Variants in C12orf42 observed in about 807,000 individuals in gnomAD.
The protein encoded by C12orf42 is uncharacterized protein C12orf42.
A neutral mutation model predicts 21.6 loss-of-function variants in C12orf42; 25 were observed. The ratio of observed to expected loss-of-function variants is 1.16; its 90% CI spans 0.84 to 1.62. The LOEUF (loss-of-function observed/expected upper bound fraction) is 1.62, where lower values mean the gene tolerates loss of function less well. Among genes scored for constraint, C12orf42 ranks in the 40% most tolerant of loss-of-function variants. C12orf42 has a pLI of 0.00. For missense variants in C12orf42, 483 were observed against 459.3 expected, an observed-to-expected ratio of 1.05 and a Z score of -0.47; for synonymous variants, 174 against 175.0, an observed-to-expected ratio of 0.99 and a Z score of 0.05.
the C12orf42 span, among the ~76,000 whole-genome samples, chr12:103,128,344 A>G: frequency 6.6e-6 from 1 of 152,164 alleles, no homozygotes; most frequent in African/African-American, 2.4e-5. Context: ...CCTGCCCTGC[A>G]CCTGGCTCAG....
At chr12:103,496,327 AGAG>A (rs1284920352), upstream of C12orf42, among the ~76,000 whole-genome samples, 1 of 152,200 alleles carries the variant, frequency 6.6e-6, no homozygotes, top group Admixed American at 6.5e-5. Context: ...CATTTTGAAT[AGAG>A]GAGTAGTGCA....
chr12:103,306,631 C>A (rs549353160), intron 4 of C12orf42, among the ~76,000 whole-genome samples: 73 of 152,234 alleles, frequency 4.8e-4, no homozygotes, highest in African/African-American at 1.7e-3. Flanking sequence ...AGAATCATAT[C>A]TAGCAGATAG....
At chr12:103,457,415 T>C (rs1952377600) in intron 2 of C12orf42, among the ~76,000 whole-genome samples, 1 of 152,166 alleles carries the variant, frequency 6.6e-6, no homozygotes, top group Non-Finnish European at 1.5e-5. Context: ...AGTCTGCCCT[T>C]CCTCTGTGGC....
intron 1 of C12orf42, among the ~76,000 whole-genome samples, chr12:103,483,184 C>A (rs1173198767): frequency 6.6e-6 from 1 of 152,038 alleles, no homozygotes; most frequent in Non-Finnish European, 1.5e-5. Context: ...ATTCCAAGCA[C>A]CAAGAGTGAA....
chr12:103,467,035 G>A (rs528486527), intron 2 of C12orf42, among the ~76,000 whole-genome samples: 2 of 152,312 alleles, frequency 1.3e-5, no homozygotes, highest in South Asian at 2.1e-4. Flanking sequence ...AGACATGTGA[G>A]GGAGCCATGA....
intron 2 of C12orf42, among the ~76,000 whole-genome samples, chr12:103,456,496 C>T (rs1053786903): frequency 6.6e-6 from 1 of 152,190 alleles, no homozygotes; most frequent in Non-Finnish European, 1.5e-5. Flanking sequence ...ACAAAACCTT[C>T]TGTGCCTGCT....
chr12:103,324,956 G>A (rs2040530228), intron 4 of C12orf42, among the ~76,000 whole-genome samples: 2 of 152,156 alleles, frequency 1.3e-5, no homozygotes, highest in African/African-American at 4.8e-5. Flanking sequence ...CCCTGAAGGA[G>A]GTACTGAAGG....
At chr12:103,273,842 C>T (rs1490888683) in intron 5 of C12orf42, 2 of 456,230 alleles carry the variant, frequency 4.4e-6, no homozygotes, top group African/African-American at 2.0e-5. Context: ...CAGTTTCAGA[C>T]TGATGCACTC....
Position 103,306,184 on chromosome 12 carries a change from G to C in C12orf42, c.421C>G (p.Pro141Ala). 6.2e-7 allele frequency: 1 copy of C among 1,613,900 alleles called. No individual in the cohort carries two copies. The highest frequency in any genetic ancestry group is 8.5e-7 in the Non-Finnish European group (1 of 1,179,866). Reference protein sequence around the residue: ...PAPSSETDEAPLIFTARGETE... With the variant: ...PAPSSETDEAALIFTARGETE... ...TCTCCTCTGGCAGTAAAAATCAATGGGGCCTCATCAGTTTCACTGGATGGT... is the reference window on the plus strand; with the variant it reads ...TCTCCTCTGGCAGTAAAAATCAATGCGGCCTCATCAGTTTCACTGGATGGT... Residue 141 changes from proline to alanine, a missense_variant, in exon 5 of 6, where the codon CCA becomes GCA. Pro to Ala is a conservative substitution (Grantham distance 27). Transcript: ENST00000548883.
the C12orf42 span, among the ~76,000 whole-genome samples, chr12:103,115,499 A>G: frequency 1.3e-5 from 2 of 152,244 alleles, no homozygotes; most frequent in African/African-American, 4.8e-5. Context: ...ATTTCTATTT[A>G]GGGCATATGG....
chr12:103,246,754 G>A (rs964862681), intron 10 of C12orf42, among the ~76,000 whole-genome samples: 1 of 151,388 alleles, frequency 6.6e-6, no homozygotes, highest in Non-Finnish European at 1.5e-5. Context: ...CTGGGAAGGA[G>A]AAAGCAGAGA....
At chr12:103,558,621 T>C in the C12orf42 span, 2 of 152,222 alleles carry the variant, frequency 1.3e-5, no homozygotes, top group South Asian at 2.1e-4. Context: ...ATTTCCTTCA[T>C]AGAATCTACA....
the C12orf42 span, among the ~76,000 whole-genome samples, chr12:103,121,377 T>TC: frequency 2.6e-5 from 4 of 152,208 alleles, no homozygotes; most frequent in Admixed American, 2.6e-4. Context: ...TAGAAGCCTT[T>TC]CCTTGGGGCT....
the C12orf42 span, chr12:103,559,895 C>G: frequency 2.0e-5 from 3 of 152,084 alleles, no homozygotes. Context: ...GATTATTATT[C>G]CCATGATCAT....
At chr12:103,113,332 CA>C in the C12orf42 span, among the ~76,000 whole-genome samples, 2 of 152,104 alleles carry the variant, frequency 1.3e-5, no homozygotes, top group African/African-American at 4.8e-5. Flanking sequence ...CAAAGGGAAA[CA>C]AATATTTAGT....
the C12orf42 span, among the ~76,000 whole-genome samples, chr12:103,143,386 G>C: frequency 3.9e-5 from 6 of 152,178 alleles, no homozygotes; most frequent in Admixed American, 3.9e-4. Flanking sequence ...TCCCTGACTG[G>C]TAGTTTATCT....
At chr12:103,081,802 A>G in the C12orf42 span, among the ~76,000 whole-genome samples, 1 of 152,178 alleles carries the variant, frequency 6.6e-6, no homozygotes, top group Non-Finnish European at 1.5e-5. Context: ...CTTTATTACT[A>G]AATTAATTTG....
At chr12:103,529,734 T>C in the C12orf42 span, among the ~76,000 whole-genome samples, 1 of 152,232 alleles carries the variant, frequency 6.6e-6, no homozygotes, top group Non-Finnish European at 1.5e-5. Context: ...AACCTGCAAT[T>C]TGCAACATCT....
chr12:103,393,741 TTGAA>T (rs909002102), intron 3 of C12orf42, among the ~76,000 whole-genome samples: 1 of 152,178 alleles, frequency 6.6e-6, no homozygotes, highest in African/African-American at 2.4e-5. Context: ...ATACAATTTA[TTGAA>T]TGAATGAAAC....
Sources: allele counts gnomAD v4.1 joint callset (sites outside exome capture counted in the v4.1 genomes callset), GRCh38; gene constraint gnomAD v4.1.1; transcripts MANE v1.5; gene names NCBI Gene and HGNC (gene_info 2026-07-23, HGNC 2026-07-21).